Variants in CYSTM1 observed in about 807,000 individuals in gnomAD.
The protein encoded by CYSTM1 is cysteine-rich transmembrane module-containing protein 1.
A neutral mutation model predicts 13.1 loss-of-function variants in CYSTM1; 4 were observed. The observed-to-expected ratio is 0.31, with a 90% CI of 0.15 to 0.70. CYSTM1 has a LOEUF of 0.70. Among genes scored for constraint, CYSTM1 ranks in the 30% least tolerant of loss-of-function variants. CYSTM1 has a pLI of 0.72. For missense variants in CYSTM1, 96 were observed against 121.6 expected, an observed-to-expected ratio of 0.79 and a Z score of 0.99; for synonymous variants, 36 against 42.7, an observed-to-expected ratio of 0.84 and a Z score of 0.62.
chr5:140,243,454 CCT>C lies in CYSTM1; in HGVS notation c.*46_*47del. 1 of 1,562,986 alleles carries C rather than the reference CCT, an allele frequency of 6.4e-7. No homozygotes were observed. The highest frequency in any genetic ancestry group is 8.8e-7 in the Non-Finnish European group (1 of 1,138,242). On this transcript the variant is annotated 3_prime_UTR_variant, in exon 3 of 3. Transcript: ENST00000261811. ...TCCTGTCCTGCCAGCTCTGCTGCCACCTCTGACAGGTGTGCCTGCCCCCATCT... is the reference window on the plus strand; with the variant it reads ...TCCTGTCCTGCCAGCTCTGCTGCCACCTGACAGGTGTGCCTGCCCCCATCT...
In CYSTM1 at chr5:140,243,465, T is replaced by C. The variant is rs1764778250; in HGVS notation, c.*54T>C. 2 of 1,486,958 alleles carry C rather than the reference T, an allele frequency of 1.3e-6. No homozygotes were observed. The highest frequency in any genetic ancestry group is 3.5e-5 in the Admixed American group (2 of 57,348). 92.1% of individuals were successfully genotyped at this position (1,486,958 alleles called of 1,614,324 possible). On this transcript the variant is annotated 3_prime_UTR_variant, in exon 3 of 3. Coordinates refer to ENST00000261811, the MANE Select transcript of CYSTM1 (RefSeq NM_032412.4). ...CAGCTCTGCTGCCACCTCTGACAGG[T>C]GTGCCTGCCCCCATCTCTTCTGATT...
At chr5:140,223,099 T>C (rs1333512857) in intron 2 of CYSTM1, among the ~76,000 whole-genome samples, 2 of 152,170 alleles carry the variant, frequency 1.3e-5, no homozygotes, top group Admixed American at 1.3e-4. Flanking sequence ...TGATTGCAAT[T>C]ACAGTGTGCT....
rs79639089 is a variant in CYSTM1, at chr5:140,242,130, C to T, written c.188-1175C>T. ...CATTCATCCTCTCCCTCTGAGCAGG[C>T]TTTCCTGGTGAAGGGCATCTAGACC... On this transcript the variant is annotated intron_variant, in intron 2 of 2. Coordinates refer to ENST00000261811, the MANE Select transcript of CYSTM1 (RefSeq NM_032412.4). Among the ~76,000 whole-genome samples the T allele has an allele frequency of 2.4e-3, 358 of 152,318 alleles. 1 individual carries two copies. Among genetic ancestry groups the T allele is most frequent in the Non-Finnish European group, 3.9e-3 (262 of 68,028 alleles).
intron 2 of CYSTM1, among the ~76,000 whole-genome samples, chr5:140,217,751 G>T (rs1007202531): frequency 1.3e-5 from 2 of 152,098 alleles, no homozygotes; most frequent in Admixed American, 1.3e-4. Flanking sequence ...CACCAGCTAA[G>T]CCCATATCTG....
At chr5:140,212,898 G>T (rs1221338173) in intron 2 of CYSTM1, among the ~76,000 whole-genome samples, 1 of 150,474 alleles carries the variant, frequency 6.6e-6, no homozygotes, top group Non-Finnish European at 1.5e-5. Context: ...GCCCAGGGAG[G>T]TCAAGGCTGC....
chr5:140,233,714 G>A (rs2126671488), intron 2 of CYSTM1, among the ~76,000 whole-genome samples: 1 of 152,260 alleles, frequency 6.6e-6, no homozygotes, highest in South Asian at 2.1e-4. Context: ...GTTTTAATTT[G>A]TGTTTTCCTA....
At chr5:140,241,259 G>A (rs1039061040) in intron 2 of CYSTM1, among the ~76,000 whole-genome samples, 1 of 152,236 alleles carries the variant, frequency 6.6e-6, no homozygotes. Context: ...TCTGACAGGT[G>A]AGAAAGGCAT....
chr5:140,176,385 G>A (rs1389979469), intron 1 of CYSTM1, among the ~76,000 whole-genome samples: 1 of 152,176 alleles, frequency 6.6e-6, no homozygotes, highest in Non-Finnish European at 1.5e-5. Context: ...AAAAATAATT[G>A]TACATATTTA....
In CYSTM1 at chr5:140,219,547, G is replaced by A. The variant is rs1338269559; in HGVS notation, c.188-23758G>A. Among the ~76,000 whole-genome samples, 2 of 152,112 alleles carry A rather than the reference G, an allele frequency of 1.3e-5. No individual in the cohort carries two copies. Among genetic ancestry groups the A allele is most frequent in the African/African-American group, 4.8e-5 (2 of 41,406 alleles). The stretch of plus-strand genomic sequence containing the variant: ...TGTGTACCAGCCTCTAAACTGAGGT[G>A]CGTTCAGGAGAAAACACTACTGTTT... On this transcript the variant is annotated intron_variant, in intron 2 of 2. Transcript: ENST00000261811. This position sits in a 1 kb window ranked among gnomAD's most constrained non-coding sequence, Gnocchi z 4.1.
rs574666969 is a variant in CYSTM1, at chr5:140,185,006, T to C, written c.-20-9440T>C. ...AGTTGAGAATACTTACATCTTTGTGTTATCTTAATGTTGGGGATAGCGGCT... is the reference window on the plus strand; with the variant it reads ...AGTTGAGAATACTTACATCTTTGTGCTATCTTAATGTTGGGGATAGCGGCT... On this transcript the variant is annotated intron_variant, in intron 1 of 2. Coordinates refer to ENST00000261811, the MANE Select transcript of CYSTM1 (RefSeq NM_032412.4). Among the ~76,000 whole-genome samples the C allele has an allele frequency of 1.7e-4, 26 of 152,362 alleles. No individual in the cohort carries two copies. The South Asian group carries it at 5.4e-3, about 32-fold the overall frequency.
rs755700438 is a variant in CYSTM1, at chr5:140,194,509, C to T, written c.44C>T (p.Thr15Met). The change falls in exon 2 of 3, where the codon ACG becomes ATG. Residue 15 changes from threonine (T) to methionine (M), a missense_variant. Physicochemically the swap from Thr to Met is moderately conservative, Grantham distance 81. Transcript: ENST00000261811. ...CCACCATATCCAGGCCCTGGTCCAA[C>T]GGCCCCATACCCACCTTATCCACCA... ...NPPPYPGPGP[T>M]APYPPYPPQP... The T allele has an allele frequency of 2.0e-5, 33 of 1,610,174 alleles. No individual in the cohort carries two copies. Among genetic ancestry groups the T allele is most frequent in the African/African-American group, 6.7e-5 (5 of 74,726 alleles).
At chr5:140,198,682 C>G (rs927624184) in intron 2 of CYSTM1, among the ~76,000 whole-genome samples, 4 of 152,178 alleles carry the variant, frequency 2.6e-5, no homozygotes, top group African/African-American at 7.2e-5. Context: ...TTCCTCCTCC[C>G]CCTCTTTTTT....
In CYSTM1 at chr5:140,212,983, GTATATATA is replaced by G. The variant is rs150669111; in HGVS notation, c.187+18351_187+18358del. On this transcript the variant is annotated intron_variant, in intron 2 of 2. Transcript: ENST00000261811. ...ACTCTGTCTCAAAAACAAAACAAAA[GTATATATA>G]TATATATATATATATATATGAGAGA... Among the ~76,000 whole-genome samples the G allele has an allele frequency of 4.4e-3, 502 of 114,272 alleles. 12 individuals carry two copies. Among genetic ancestry groups the G allele is most frequent in the African/African-American group, 3.9e-3 (127 of 32,300 alleles). The allele number at this position is 114,272 out of a possible 152,430, so 75.0% of individuals were successfully genotyped here. A position where few individuals can be genotyped will look rare whatever the true frequency, so the allele number is the denominator to read the frequency against.
At position 140,243,301 on chromosome 5, in the gene CYSTM1, C is replaced by G. The variant is rs751531366; in HGVS notation, c.188-4C>G. 1.2e-6 allele frequency: 2 copies of G among 1,613,434 alleles called. No individual in the cohort carries two copies. Among genetic ancestry groups the G allele is most frequent in the South Asian group, 2.2e-5 (2 of 91,054 alleles). On this transcript the variant is annotated splice_region_variant and splice_polypyrimidine_tract_variant and intron_variant, in intron 2 of 2. Transcript: ENST00000261811. ...TCTCACCCTCTTCCCTCTTCTCCCT[C>G]CAGTGTATGTGGTAGAAGACCAAAG... is the stretch of plus-strand genomic sequence containing the variant.
intron 2 of CYSTM1, among the ~76,000 whole-genome samples, chr5:140,208,016 A>G (rs1170033026): frequency 6.6e-6 from 1 of 152,214 alleles, no homozygotes; most frequent in Non-Finnish European, 1.5e-5. Flanking sequence ...TACAACTACT[A>G]TAGGGAACAG....
chr5:140,227,659 C>T (rs1764572802), intron 2 of CYSTM1, among the ~76,000 whole-genome samples: 2 of 152,112 alleles, frequency 1.3e-5, no homozygotes, highest in South Asian at 4.1e-4. Context: ...GCCACTGGGG[C>T]TAGGAGCCCA....
At chr5:140,217,926 G>A (rs1329524313) in intron 2 of CYSTM1, among the ~76,000 whole-genome samples, 2 of 152,118 alleles carry the variant, frequency 1.3e-5, no homozygotes, top group African/African-American at 4.8e-5. Context: ...TTTTCATCCA[G>A]ATAAAATTAG....
intron 2 of CYSTM1, among the ~76,000 whole-genome samples, chr5:140,225,330 C>T (rs979358255): frequency 6.6e-6 from 1 of 152,192 alleles, no homozygotes; most frequent in African/African-American, 2.4e-5. Context: ...TGTGGGGATT[C>T]CTGCTGGGGT....
At chr5:140,197,875 G>T (rs1342577048) in intron 2 of CYSTM1, among the ~76,000 whole-genome samples, 1 of 152,180 alleles carries the variant, frequency 6.6e-6, no homozygotes, top group Admixed American at 6.5e-5. Context: ...CTTAATAAAG[G>T]TGTGATGAAT....
Sources: allele counts gnomAD v4.1 joint callset (sites outside exome capture counted in the v4.1 genomes callset), GRCh38; gene constraint gnomAD v4.1.1; non-coding constraint Gnocchi (gnomAD v3.1); transcripts MANE v1.5; gene names NCBI Gene and HGNC (gene_info 2026-07-23, HGNC 2026-07-21).